RPS6KA3: variants seen among roughly 807,000 people sequenced by gnomAD.
RPS6KA3 encodes ribosomal protein S6 kinase A3.
Under a neutral mutation model 67.2 loss-of-function variants are expected in RPS6KA3, and 4 were observed. That is an observed-to-expected ratio of 0.06 (90% CI 0.03 to 0.14). The LOEUF (loss-of-function observed/expected upper bound fraction) is 0.14, where lower values mean the gene tolerates loss of function less well. Among genes scored for constraint, RPS6KA3 ranks in the 10% least tolerant of loss-of-function variants. The pLI, the probability that RPS6KA3 is intolerant of heterozygous loss-of-function variation, is 1.00. For synonymous variants in RPS6KA3, 182 were observed against 183.7 expected (o/e 0.99, Z 0.07); for missense variants, 204 against 559.0 (o/e 0.36, Z 6.40).
chrX:20,229,470 C>A (rs1483892230), intron 2 of RPS6KA3, among the ~76,000 whole-genome samples: 1 of 111,802 alleles, frequency 8.9e-6, no homozygotes, highest in Non-Finnish European at 1.9e-5. Context: ...ACCTTAATTT[C>A]AAGTCTGAGA....
chrX:20,257,112 T>A (rs998566934), intron 1 of RPS6KA3, among the ~76,000 whole-genome samples: 8 of 112,006 alleles, frequency 7.1e-5, no homozygotes, highest in Admixed American at 2.8e-4. Flanking sequence ...AGTTTCCTCA[T>A]CTGTAAGTTG....
At position 20,155,464 on chromosome X, in the gene RPS6KA3, T is replaced by C; in HGVS notation, c.2157A>G (p.Glu719=). Residue 719 remains glutamate (E), a synonymous_variant, in exon 22 of 22, where the codon GAA becomes GAG. Coordinates refer to ENST00000379565, the MANE Select transcript of RPS6KA3 (RefSeq NM_004586.3). The stretch of plus-strand genomic sequence containing the variant: ...GAGCAAGAGTAGAGCGGCCTACTGG[T>C]TCCAAAACTGGTGACTGATTACGGT... The part of the protein sequence containing the change: ...ALNRNQSPVL[E]PVGRSTLAQR... 8.3e-7 allele frequency: 1 copy of C among 1,210,778 alleles called. No individual in the cohort carries two copies. Among genetic ancestry groups the C allele is most frequent in the Non-Finnish European group, 1.1e-6 (1 of 894,592 alleles).
At chrX:20,212,026 A>G (rs1393603536) in intron 2 of RPS6KA3, among the ~76,000 whole-genome samples, 1 of 112,271 alleles carries the variant, frequency 8.9e-6, no homozygotes, top group Non-Finnish European at 1.9e-5. Context: ...CAAGCAGGGA[A>G]GAATAATCAC....
At position 20,193,548 on chromosome X, in the gene RPS6KA3, C is replaced by T; in HGVS notation, c.532G>A (p.Ala178Thr). 1 of 1,192,903 alleles carries T rather than the reference C, an allele frequency of 8.4e-7. No individual in the cohort carries two copies. Among genetic ancestry groups the T allele is most frequent in the Non-Finnish European group, 1.1e-6 (1 of 879,129 alleles). ...EDVKFYLAEL[A>T]LALDHLHSLG... is the part of the protein sequence containing the mutation. The stretch of plus-strand genomic sequence containing the variant: ...CTATGTAGATGGTCTAAAGCAAGTG[C>T]AAGTTCAGCCAAGTAGAATTTGACA... The change falls in exon 7 of 22, where the codon GCA becomes ACA. Residue 178 changes from alanine (A) to threonine (T), a missense_variant. Physicochemically the swap from Ala to Thr is moderately conservative, Grantham distance 58 (BLOSUM62 0). Transcript: ENST00000379565.
chrX:20,188,507 G>T lies in RPS6KA3; in HGVS notation c.621C>A (p.Ile207=). 9.9e-7 allele frequency: 1 copy of T among 1,013,723 alleles called. No homozygotes were observed. Among genetic ancestry groups the T allele is most frequent in the Non-Finnish European group, 1.4e-6 (1 of 721,484 alleles). The allele number at this position is 1,013,723 out of a possible 1,213,427, so 83.5% of individuals were successfully genotyped here. The change falls in exon 8 of 22, where the codon ATC becomes ATA. Residue 207 remains isoleucine (I), a synonymous_variant. Coordinates refer to ENST00000379565, the MANE Select transcript of RPS6KA3 (RefSeq NM_004586.3). ...ENILLDEEGH[I]KLTDFGLSKE... ...GGATTTTTTTTTTACCTGTTAACTT[G>T]ATGTGACCTTCTTCATCAAGAAGTA...
At chrX:20,195,650 G>T (rs763083418) in intron 4 of RPS6KA3, among the ~76,000 whole-genome samples, 22 of 112,061 alleles carry the variant, frequency 2.0e-4, no homozygotes, top group Non-Finnish European at 3.8e-4. Flanking sequence ...GAAGCAAGAG[G>T]GAGAGAGAGA....
At chrX:20,245,051 T>A (rs1367521753) in intron 1 of RPS6KA3, among the ~76,000 whole-genome samples, 1 of 111,984 alleles carries the variant, frequency 8.9e-6, no homozygotes, top group African/African-American at 3.2e-5. Context: ...CTTGGAAAAG[T>A]TGCTTTTTTC....
chrX:20,220,311 C>T (rs1048733109), intron 2 of RPS6KA3, among the ~76,000 whole-genome samples: 3 of 111,707 alleles, frequency 2.7e-5, no homozygotes, highest in Non-Finnish European at 5.6e-5. Context: ...CTTTGAATTC[C>T]GCCCGGAAAA....
intron 4 of RPS6KA3, among the ~76,000 whole-genome samples, chrX:20,201,350 G>C (rs1248206862): frequency 9.1e-6 from 1 of 110,441 alleles, no homozygotes; most frequent in Non-Finnish European, 1.9e-5. Flanking sequence ...TATTGCCCTA[G>C]CTAGTCTTGA....
At chrX:20,248,150 T>C (rs2069752338) in intron 1 of RPS6KA3, among the ~76,000 whole-genome samples, 2 of 112,610 alleles carry the variant, frequency 1.8e-5, no homozygotes, top group African/African-American at 6.4e-5. Flanking sequence ...CTTAGTAGGC[T>C]ATCATTTGTT....
intron 1 of RPS6KA3, among the ~76,000 whole-genome samples, chrX:20,264,788 T>C (rs1029789661): frequency 1.8e-5 from 2 of 112,301 alleles, no homozygotes; most frequent in South Asian, 7.2e-4. Flanking sequence ...CAATTGTTAA[T>C]GTTTGTATGT....
chrX:20,182,412 C>A (rs779553488), intron 10 of RPS6KA3, among the ~76,000 whole-genome samples: 1 of 111,915 alleles, frequency 8.9e-6, no homozygotes, highest in Non-Finnish European at 1.9e-5. Flanking sequence ...TGGCATACTA[C>A]ACCCATGCGC....
intron 10 of RPS6KA3, among the ~76,000 whole-genome samples, chrX:20,179,204 A>C (rs931347934): frequency 5.4e-5 from 6 of 112,140 alleles, no homozygotes; most frequent in Non-Finnish European, 9.4e-5. Flanking sequence ...AAATGCTGAT[A>C]ACTGGGAGTA....
At chrX:20,196,893 G>T (rs2068287684) in intron 4 of RPS6KA3, among the ~76,000 whole-genome samples, 1 of 111,904 alleles carries the variant, frequency 8.9e-6, no homozygotes, top group African/African-American at 3.3e-5. Flanking sequence ...TGGCTGGAGT[G>T]CAGTGGTGTG....
At chrX:20,242,784 T>C (rs1884569880) in intron 1 of RPS6KA3, among the ~76,000 whole-genome samples, 2 of 111,552 alleles carry the variant, frequency 1.8e-5, no homozygotes, top group South Asian at 3.7e-4. Context: ...TAAAAGTCTA[T>C]CTTTTAAGAA....
At chrX:20,199,018 C>T (rs984324190) in intron 4 of RPS6KA3, among the ~76,000 whole-genome samples, 13 of 110,544 alleles carry the variant, frequency 1.2e-4, no homozygotes, top group Non-Finnish European at 1.7e-4. Flanking sequence ...ATTACAGGTG[C>T]CCGCCACCAC....
intron 16 of RPS6KA3, 47 bp from the exon 17 acceptor site, chrX:20,167,794 T>C: frequency 1.2e-6 from 1 of 831,178 alleles, no homozygotes. Context: ...AAACTATATG[T>C]GCCCAAAACG....
intron 1 of RPS6KA3, among the ~76,000 whole-genome samples, chrX:20,240,171 T>A (rs1442031379): frequency 9.4e-6 from 1 of 106,616 alleles, no homozygotes; most frequent in Non-Finnish European, 1.9e-5. Flanking sequence ...AAGAGAAGAA[T>A]CTTCAGAGAG....
In RPS6KA3 at chrX:20,229,136, A is replaced by G. The variant is rs142846332; in HGVS notation, c.126+5622T>C. On this transcript the variant is annotated intron_variant, in intron 2 of 21. Coordinates refer to ENST00000379565, the MANE Select transcript of RPS6KA3 (RefSeq NM_004586.3). ...AGTGCCTTTTTTTTTTTCCCCTCAC[A>G]GAGCAGTCCATAGGTTAAGAGCATA... is the stretch of plus-strand genomic sequence containing the variant. Among the ~76,000 whole-genome samples the G allele has an allele frequency of 1.2e-3, 132 of 110,543 alleles. No individual in the cohort carries two copies. In the South Asian group the frequency reaches 0.029, roughly 25 times the overall value.
Sources: allele counts gnomAD v4.1 joint callset (sites outside exome capture counted in the v4.1 genomes callset), GRCh38; gene constraint gnomAD v4.1.1; transcripts MANE v1.5; gene names NCBI Gene and HGNC (gene_info 2026-07-23, HGNC 2026-07-21).